RASEF: variants seen among roughly 807,000 people sequenced by gnomAD.
RASEF encodes ras and EF-hand domain-containing protein.
A neutral mutation model predicts 90.1 loss-of-function variants in RASEF; 68 were observed. The ratio of observed to expected loss-of-function variants is 0.75; its 90% CI spans 0.62 to 0.92. RASEF has a LOEUF of 0.92. RASEF is among the 40% of genes least tolerant of loss of function. RASEF has a pLI of 0.00. For missense variants in RASEF, 949 were observed against 937.2 expected, an observed-to-expected ratio of 1.01 and a Z score of -0.16; for synonymous variants, 331 against 345.2, an observed-to-expected ratio of 0.96 and a Z score of 0.46.
intron 1 of RASEF, among the ~76,000 whole-genome samples, chr9:83,032,150 T>C (rs2118602101): frequency 6.6e-6 from 1 of 152,198 alleles, no homozygotes; most frequent in East Asian, 1.9e-4. Context: ...TAATTTTTGT[T>C]CCCTCACAAG....
the RASEF span, among the ~76,000 whole-genome samples, chr9:83,072,870 C>T: frequency 6.6e-6 from 1 of 152,190 alleles, no homozygotes; most frequent in Non-Finnish European, 1.5e-5. Context: ...AGGAACAATA[C>T]TTTGCATCCT....
intron 1 of RASEF, among the ~76,000 whole-genome samples, chr9:83,046,035 A>C (rs1829923342): frequency 6.6e-6 from 1 of 151,850 alleles, no homozygotes; most frequent in Non-Finnish European, 1.5e-5. Context: ...GAAAAAAAAA[A>C]AAAACCCTGC....
the RASEF span, among the ~76,000 whole-genome samples, chr9:83,090,013 G>C: frequency 1.3e-5 from 2 of 152,070 alleles, no homozygotes; most frequent in Non-Finnish European, 2.9e-5. Flanking sequence ...AGATGACTGA[G>C]GATTTGTTCA....
At chr9:83,070,543 T>TAA in the RASEF span, among the ~76,000 whole-genome samples, 1 of 152,156 alleles carries the variant, frequency 6.6e-6, no homozygotes, top group African/African-American at 2.4e-5. Flanking sequence ...AAATTGAATA[T>TAA]AAGTCTCAAA....
the RASEF span, among the ~76,000 whole-genome samples, chr9:83,115,097 C>T: frequency 9.9e-4 from 150 of 152,204 alleles, no homozygotes; most frequent in African/African-American, 3.2e-3. Context: ...TTTTATTTCT[C>T]AAACCGGCCA....
chr9:83,107,942 A>T, the RASEF span, among the ~76,000 whole-genome samples: 1 of 152,222 alleles, frequency 6.6e-6, no homozygotes, highest in African/African-American at 2.4e-5. Flanking sequence ...GATGAATCTC[A>T]AAAACATGTT....
chr9:83,046,884 ACCACT>A (rs1829942241), intron 1 of RASEF, among the ~76,000 whole-genome samples: 2 of 152,184 alleles, frequency 1.3e-5, no homozygotes, highest in African/African-American at 4.8e-5. Flanking sequence ...TGATACTTTC[ACCACT>A]GCATTCGGAT....
At chr9:83,162,724 C>A in the RASEF span, among the ~76,000 whole-genome samples, 1 of 152,178 alleles carries the variant, frequency 6.6e-6, no homozygotes, top group African/African-American at 2.4e-5. Flanking sequence ...TAGAGAGTCC[C>A]AGCTTCTTCC....
chr9:83,180,230 C>T, the RASEF span, among the ~76,000 whole-genome samples: 4 of 152,058 alleles, frequency 2.6e-5, no homozygotes, highest in African/African-American at 9.7e-5. Context: ...GTCACATAAC[C>T]TGTACCTGCA....
chr9:83,074,759 C>G, the RASEF span, among the ~76,000 whole-genome samples: 1 of 152,144 alleles, frequency 6.6e-6, no homozygotes, highest in South Asian at 2.1e-4. Context: ...GTTTGTCAAC[C>G]CTGCACTGTA....
At chr9:83,152,563 T>C in the RASEF span, among the ~76,000 whole-genome samples, 1 of 152,358 alleles carries the variant, frequency 6.6e-6, no homozygotes, top group African/African-American at 2.4e-5. Context: ...CCTTTCTTCA[T>C]GCATGGAACT....
At chr9:83,058,748 C>T (rs994672884) in intron 1 of RASEF, among the ~76,000 whole-genome samples, 1 of 152,158 alleles carries the variant, frequency 6.6e-6, no homozygotes, top group Non-Finnish European at 1.5e-5. Flanking sequence ...GTGAGCCTTT[C>T]CTCTTGAGTT....
At chr9:83,044,492 G>C (rs1829894039) in intron 1 of RASEF, among the ~76,000 whole-genome samples, 3 of 152,002 alleles carry the variant, frequency 2.0e-5, no homozygotes, top group Admixed American at 2.0e-4. Context: ...TGTAGGGCAA[G>C]CCTTTTCTTG....
intron 16 of RASEF, 138 bp downstream of exon 16, chr9:82,990,253 C>T: frequency 1.7e-6 from 1 of 586,312 alleles, no homozygotes; most frequent in East Asian, 3.1e-5. Context: ...ATAATATCCA[C>T]ATATTTATTT....
the RASEF span, among the ~76,000 whole-genome samples, chr9:83,080,795 A>G: frequency 3.3e-5 from 5 of 152,176 alleles, no homozygotes; most frequent in Non-Finnish European, 5.9e-5. Flanking sequence ...GCAATCTAGG[A>G]AATAAATCTT....
chr9:83,176,161 C>A, the RASEF span, among the ~76,000 whole-genome samples: 1 of 152,116 alleles, frequency 6.6e-6, no homozygotes, highest in South Asian at 2.1e-4. Flanking sequence ...CTGCTGGATT[C>A]TCCTTTATGC....
At chr9:83,077,979 G>A in the RASEF span, among the ~76,000 whole-genome samples, 245 of 152,250 alleles carry the variant, frequency 1.6e-3, no homozygotes, top group Non-Finnish European at 3.1e-3. Flanking sequence ...CTTTATCTCA[G>A]AGTCAAAAAG....
chr9:83,005,515 A>C lies in RASEF; in HGVS notation c.1029-15T>G, dbSNP rs1376612325. 6.3e-7 allele frequency: 1 copy of C among 1,595,504 alleles called. No individual in the cohort carries two copies. Among genetic ancestry groups the C allele is most frequent in the Non-Finnish European group, 8.6e-7 (1 of 1,163,178 alleles). On this transcript the variant is annotated splice_polypyrimidine_tract_variant and intron_variant, in intron 7 of 16. Coordinates refer to ENST00000376447, the MANE Select transcript of RASEF (RefSeq NM_152573.4). ...GGTTAGCTGTTCTGCAGGGTAAAGAAACAAGCAGAAAGAGAGACAAGGAAA... is the reference window on the plus strand; with the variant it reads ...GGTTAGCTGTTCTGCAGGGTAAAGACACAAGCAGAAAGAGAGACAAGGAAA...
At position 83,048,310 on chromosome 9, in the gene RASEF, A is replaced by G; in HGVS notation, c.431+14127T>C. 9.1e-6 allele frequency: 9 copies of G among 985,416 alleles called. No individual in the cohort carries two copies. In the Middle Eastern group the frequency reaches 1.6e-3, roughly 172 times the overall value. The allele number at this position is 985,416 out of a possible 1,614,324, so 61.0% of individuals were successfully genotyped here. A position where few individuals can be genotyped will look rare whatever the true frequency, so the allele number is the denominator to read the frequency against. The stretch of plus-strand genomic sequence containing the variant: ...CATGAAGGCGTCACTTCTCTGTGGT[A>G]GAGGGGTGGAAACTCCCTGAGTGTA... On this transcript the variant is annotated intron_variant, in intron 1 of 16. Transcript: ENST00000376447.
Sources: gnomAD v4.1 joint callset for allele counts (sites outside exome capture counted in the v4.1 genomes callset) on GRCh38, gnomAD v4.1.1 for gene constraint, MANE v1.5 for transcripts, NCBI Gene and HGNC (gene_info 2026-07-23, HGNC 2026-07-21) for gene names.